The following ITGB5 variants were observed in gnomAD, a reference collection of about 807,000 sequenced individuals.
The protein encoded by ITGB5 is integrin beta-5.
Under a neutral mutation model 84.8 loss-of-function variants are expected in ITGB5, and 38 were observed. The observed-to-expected ratio is 0.45, with a 90% CI of 0.35 to 0.59. The LOEUF is 0.59. Among genes scored for constraint, ITGB5 ranks in the 20% least tolerant of loss-of-function variants. The pLI is 0.01. For missense variants in ITGB5, 905 were observed against 1,034.5 expected (o/e 0.87, Z 1.72); for synonymous variants, 393 against 414.4 (o/e 0.95, Z 0.63).
At chr3:124,773,448 C>G (rs760041408) in intron 11 of ITGB5, among the ~76,000 whole-genome samples, 3 of 152,216 alleles carry the variant, frequency 2.0e-5, no homozygotes, top group Non-Finnish European at 2.9e-5. Flanking sequence ...TGTTTAGGAA[C>G]AGAGTAGCAG....
In ITGB5 at chr3:124,884,200, G is replaced by A. The variant is rs376530034; in HGVS notation, c.70+2731C>T. Among the ~76,000 whole-genome samples the A allele has an allele frequency of 2.1e-4, 30 of 145,270 alleles. No individual in the cohort carries two copies. In the East Asian group the frequency reaches 5.7e-3, roughly 28 times the overall value. On this transcript the variant is annotated intron_variant, in intron 1 of 14. Coordinates refer to ENST00000296181, the MANE Select transcript of ITGB5 (RefSeq NM_002213.5). ...TGTAGTGCTTCAAGAAAACAAAGAA[G>A]GGAAGGGAAGCAAAAAAAAAAAAGA...
intron 9 of ITGB5, among the ~76,000 whole-genome samples, chr3:124,802,296 C>T (rs957586529): frequency 2.6e-5 from 4 of 152,188 alleles, no homozygotes; most frequent in South Asian, 4.1e-4. Context: ...TGGGGACACA[C>T]GTCCAGAGGG....
intron 9 of ITGB5, among the ~76,000 whole-genome samples, chr3:124,803,363 A>G (rs2064345054): frequency 6.6e-6 from 1 of 152,050 alleles, no homozygotes; most frequent in Non-Finnish European, 1.5e-5. Flanking sequence ...CTCAGGCCCC[A>G]CTTTGAGTCT....
At chr3:124,807,378 G>C (rs567622669) in intron 9 of ITGB5, among the ~76,000 whole-genome samples, 1 of 151,348 alleles carries the variant, frequency 6.6e-6, no homozygotes, top group South Asian at 2.1e-4. Flanking sequence ...ATCGTGCCAC[G>C]GCACTCCAGC....
chr3:124,861,626 A>G (rs2065304812), intron 2 of ITGB5, among the ~76,000 whole-genome samples: 1 of 148,070 alleles, frequency 6.8e-6, no homozygotes, highest in Admixed American at 6.8e-5. Flanking sequence ...CAGTGGCGCA[A>G]TCTCAGCTCA....
At chr3:124,861,897 G>T (rs2065308734) in intron 2 of ITGB5, among the ~76,000 whole-genome samples, 2 of 152,206 alleles carry the variant, frequency 1.3e-5, no homozygotes, top group African/African-American at 4.8e-5. Context: ...TTCTAAATGG[G>T]GTTCCAGGTG....
upstream of ITGB5, among the ~76,000 whole-genome samples, chr3:124,890,662 T>G (rs1204869273): frequency 6.6e-6 from 1 of 152,162 alleles, no homozygotes; most frequent in Non-Finnish European, 1.5e-5. Context: ...ACTTGGAAAG[T>G]TCTGCGATCA....
In ITGB5 at chr3:124,782,989, T is replaced by C. The variant is rs189459030; in HGVS notation, c.1694-9077A>G. ...CCCTTTCTTTCTTTTTTTTCTTTTT[T>C]AATATTTTAAGATTAAACAGGCCGG... On this transcript the variant is annotated intron_variant, in intron 10 of 14. Transcript: ENST00000296181. 6.6e-5 allele frequency among the ~76,000 whole-genome samples: 10 copies of C among 151,994 alleles called. No individual in the cohort carries two copies. In the East Asian group the frequency reaches 1.8e-3, roughly 27 times the overall value.
intron 1 of ITGB5, 112 bp downstream of exon 1, chr3:124,886,819 A>G: frequency 1.8e-6 from 1 of 552,676 alleles, no homozygotes; most frequent in Non-Finnish European, 2.6e-6. Flanking sequence ...GAGTGCCCCG[A>G]AGGCGCCCTC....
intron 7 of ITGB5, among the ~76,000 whole-genome samples, chr3:124,818,974 C>G (rs1167424474): frequency 6.6e-6 from 1 of 152,152 alleles, no homozygotes; most frequent in East Asian, 1.9e-4. Context: ...GTAAAAGAAT[C>G]TCAGAGACGA....
chr3:124,776,948 C>T (rs2063934896), intron 10 of ITGB5, among the ~76,000 whole-genome samples: 1 of 152,176 alleles, frequency 6.6e-6, no homozygotes, highest in African/African-American at 2.4e-5. Context: ...GGCCTGTTCG[C>T]TGCAGAGGGG....
intron 1 of ITGB5, among the ~76,000 whole-genome samples, chr3:124,897,789 A>C (rs529676829): frequency 2.6e-5 from 4 of 152,314 alleles, no homozygotes; most frequent in African/African-American, 9.6e-5. Context: ...CTGGGTCTCA[A>C]AGGATAAGGA....
intron 12 of ITGB5, among the ~76,000 whole-genome samples, chr3:124,767,706 C>A (rs946466975): frequency 6.6e-6 from 1 of 152,184 alleles, no homozygotes; most frequent in Non-Finnish European, 1.5e-5. Flanking sequence ...CCACAGTCTC[C>A]TAAGGAGATA....
At chr3:124,880,237 C>T (rs1478987305) in intron 1 of ITGB5, among the ~76,000 whole-genome samples, 1 of 151,970 alleles carries the variant, frequency 6.6e-6, no homozygotes, top group Non-Finnish European at 1.5e-5. Flanking sequence ...TGGATGGGAT[C>T]CTAGAACAGA....
chr3:124,778,610 GT>G (rs777979821), intron 10 of ITGB5, among the ~76,000 whole-genome samples: 14 of 152,236 alleles, frequency 9.2e-5, no homozygotes, highest in Non-Finnish European at 1.8e-4. Flanking sequence ...GACAGTGAGC[GT>G]AGGGGACTCC....
exon 1 of ITGB5, chr3:124,901,268 G>A (rs992114933): frequency 5.9e-5 from 9 of 152,246 alleles, no homozygotes; most frequent in African/African-American, 2.2e-4. Context: ...GTGCTCACCT[G>A]TAATCCCAGC....
chr3:124,769,974 T>C (rs1255016270), intron 11 of ITGB5: 1 of 152,256 alleles, frequency 6.6e-6, no homozygotes. Context: ...AATGCTTAAC[T>C]ACAACGTTCA....
At chr3:124,887,444 C>A (rs1378119984), upstream of ITGB5, 1 of 163,740 alleles carries the variant, frequency 6.1e-6, no homozygotes, top group Non-Finnish European at 1.3e-5. Flanking sequence ...TCCTCCCCTT[C>A]TCTCCCCTGC....
intron 9 of ITGB5, among the ~76,000 whole-genome samples, chr3:124,798,735 C>A (rs962066653): frequency 6.6e-6 from 1 of 152,240 alleles, no homozygotes; most frequent in African/African-American, 2.4e-5. Context: ...CCACGATGTT[C>A]ATTTTTTGAG....
Sources: allele counts gnomAD v4.1 joint callset (sites outside exome capture counted in the v4.1 genomes callset), GRCh38; gene constraint gnomAD v4.1.1; transcripts MANE v1.5; gene names NCBI Gene and HGNC (gene_info 2026-07-23, HGNC 2026-07-21).